Variants in PLEKHA6 observed in about 807,000 individuals in gnomAD.
PLEKHA6 encodes the protein pleckstrin homology domain containing A6.
PLEKHA6 carries 60 observed loss-of-function variants against 116.7 expected under a neutral mutation model. That is an observed-to-expected ratio of 0.51 (90% CI 0.42 to 0.64). The LOEUF is 0.64. Among genes scored for constraint, PLEKHA6 ranks in the 30% least tolerant of loss-of-function variants. The pLI, the probability that PLEKHA6 is intolerant of heterozygous loss-of-function variation, is 0.00. For missense variants in PLEKHA6, 1,338 were observed against 1,422.7 expected (o/e 0.94, Z 0.96); for synonymous variants, 489 against 556.1 (o/e 0.88, Z 1.70).
chr1:204,292,418 T>A (rs1669860230), intron 1 of PLEKHA6, among the ~76,000 whole-genome samples: 1 of 152,180 alleles, frequency 6.6e-6, no homozygotes, highest in Non-Finnish European at 1.5e-5. Context: ...AGCTCTTTCC[T>A]CAGGGCCACA....
rs1558201297 is a variant in PLEKHA6, at chr1:204,359,756, T to TC, written c.-158dup. The TC allele has an allele frequency of 3.2e-6, 3 of 939,420 alleles. No individual in the cohort carries two copies. Among genetic ancestry groups the TC allele is most frequent in the Non-Finnish European group, 3.8e-6 (3 of 787,890 alleles). 58.2% of individuals were successfully genotyped at this position (939,420 alleles called of 1,614,324 possible). ...AACTCTGCGAGCCCCAAGGCACCCC[T>TC]CCCCCCAGCTCAGGCCAGCTGGGGT... On this transcript the variant is annotated 5_prime_UTR_variant, in exon 1 of 23. Coordinates refer to ENST00000272203, the MANE Select transcript of PLEKHA6 (RefSeq NM_014935.5).
intron 1 of PLEKHA6, chr1:204,275,036 G>A: frequency 8.2e-6 from 5 of 606,152 alleles, no homozygotes; most frequent in Non-Finnish European, 1.0e-5. Flanking sequence ...ACTAGTCAGT[G>A]CTAACTACTT....
chr1:204,288,563 T>C (rs1669436662), intron 1 of PLEKHA6, among the ~76,000 whole-genome samples: 1 of 152,104 alleles, frequency 6.6e-6, no homozygotes, highest in African/African-American at 2.4e-5. Context: ...TATTTATTCC[T>C]GGAGGAAGGA....
Position 204,259,620 on chromosome 1 carries a change from G to C in PLEKHA6, c.645C>G (p.Gly215=), listed in dbSNP as rs1224196913. 5 of 1,614,124 alleles carry C rather than the reference G, an allele frequency of 3.1e-6. No individual in the cohort carries two copies. The highest frequency in any genetic ancestry group is 4.2e-6 in the Non-Finnish European group (5 of 1,180,038). The change falls in exon 8 of 23, where the codon GGC becomes GGG. Residue 215 remains glycine, a synonymous_variant. Transcript: ENST00000272203. This position sits in a 1 kb window ranked among gnomAD's most constrained non-coding sequence, Gnocchi z 4.6. ...CAGGCCTTCTCTCTGCCTTCTCACA[G>C]CCTCGGCCATCACCCTCCCCTCGAG... is the stretch of plus-strand genomic sequence containing the variant. ...AKTRGEGDGR[G]CEKAERRPER...
Position 204,247,471 on chromosome 1 carries a change from A to G in PLEKHA6, c.1825-11T>C. 1 of 1,587,982 alleles carries G rather than the reference A, an allele frequency of 6.3e-7. No individual in the cohort carries two copies. The highest frequency in any genetic ancestry group is 1.3e-5 in the African/African-American group (1 of 74,452). On this transcript the variant is annotated splice_polypyrimidine_tract_variant and intron_variant, in intron 12 of 22. Transcript: ENST00000272203. ...GCTGTTTGTCAGGGCCTACGGGGGA[A>G]AGAGGCGTTCACTGAGAAAGCCGCC...
upstream of PLEKHA6, among the ~76,000 whole-genome samples, chr1:204,362,140 C>T (rs569453301): frequency 1.6e-4 from 25 of 152,172 alleles, no homozygotes; most frequent in African/African-American, 5.5e-4. Context: ...GGGACCAAGG[C>T]GGAAGAGATG....
intron 18 of PLEKHA6, among the ~76,000 whole-genome samples, chr1:204,229,488 A>G (rs1259569367): frequency 6.6e-6 from 1 of 152,152 alleles, no homozygotes; most frequent in Non-Finnish European, 1.5e-5. Flanking sequence ...ATCATAGCTC[A>G]CTGCAGTCTC....
Position 204,248,889 on chromosome 1 carries a change from G to T in PLEKHA6, c.1756C>A (p.Arg586=). 1 of 1,614,044 alleles carries T rather than the reference G, an allele frequency of 6.2e-7. No homozygotes were observed. The highest frequency in any genetic ancestry group is 8.5e-7 in the Non-Finnish European group (1 of 1,179,944). The change falls in exon 12 of 23, where the codon CGA becomes AGA. Residue 586 remains arginine (R), a synonymous_variant. Coordinates refer to ENST00000272203, the MANE Select transcript of PLEKHA6 (RefSeq NM_014935.5). ...TTCTGCAGTGAATCCTTTTTGTGTCGCAGCTTTTCTGGGTAGGCGGGCTGG... is the reference window on the plus strand; with the variant it reads ...TTCTGCAGTGAATCCTTTTTGTGTCTCAGCTTTTCTGGGTAGGCGGGCTGG... The part of the protein sequence containing the change: ...GSQPAYPEKL[R]HKKDSLQNQL...
At chr1:204,275,730 C>T (rs1162714378) in intron 1 of PLEKHA6, 1 of 984,882 alleles carries the variant, frequency 1.0e-6, no homozygotes, top group East Asian at 1.1e-4. Context: ...ATAATGGCAA[C>T]CCCCAAGATG....
intron 1 of PLEKHA6, among the ~76,000 whole-genome samples, chr1:204,341,803 A>C (rs914752878): frequency 2.0e-5 from 3 of 152,230 alleles, no homozygotes; most frequent in Non-Finnish European, 4.4e-5. Flanking sequence ...TAAGATTCCA[A>C]CTGTACATAT....
At chr1:204,374,940 T>C (rs578018517) in intron 1 of PLEKHA6, among the ~76,000 whole-genome samples, 1 of 152,294 alleles carries the variant, frequency 6.6e-6, no homozygotes, top group East Asian at 1.9e-4. Flanking sequence ...CTAAATCCAC[T>C]AGGCATTTTT....
At chr1:204,225,221 T>C (rs925747613) in intron 21 of PLEKHA6, among the ~76,000 whole-genome samples, 2 of 152,234 alleles carry the variant, frequency 1.3e-5, no homozygotes, top group Non-Finnish European at 2.9e-5. Context: ...TCTATGTCCA[T>C]TGTGGCCCTA....
At chr1:204,319,511 C>T (rs1350110701) in intron 1 of PLEKHA6, among the ~76,000 whole-genome samples, 1 of 152,116 alleles carries the variant, frequency 6.6e-6, no homozygotes, top group African/African-American at 2.4e-5. Context: ...CCCATTAAGG[C>T]GGGCTTCTTT....
At chr1:204,226,062 C>T (rs1319245181) in intron 21 of PLEKHA6, among the ~76,000 whole-genome samples, 2 of 152,246 alleles carry the variant, frequency 1.3e-5, no homozygotes, top group African/African-American at 4.8e-5. Context: ...GCACGCTGTG[C>T]TCATGACCTG....
At chr1:204,302,076 T>C (rs1670877757) in intron 1 of PLEKHA6, among the ~76,000 whole-genome samples, 1 of 152,190 alleles carries the variant, frequency 6.6e-6, no homozygotes, top group Non-Finnish European at 1.5e-5. Flanking sequence ...CTTGGAGTGA[T>C]AACATCTACA....
intron 1 of PLEKHA6, among the ~76,000 whole-genome samples, chr1:204,285,881 T>C (rs1438140245): frequency 6.6e-6 from 1 of 152,200 alleles, no homozygotes; most frequent in Non-Finnish European, 1.5e-5. Context: ...TCCTCCCTCC[T>C]GCTTTCCTTT....
At chr1:204,322,596 G>T (rs1318554089) in intron 1 of PLEKHA6, among the ~76,000 whole-genome samples, 1 of 152,170 alleles carries the variant, frequency 6.6e-6, no homozygotes, top group Non-Finnish European at 1.5e-5. Context: ...GGCCCCCATA[G>T]CTTCAACCGC....
chr1:204,280,952 C>A, intron 1 of PLEKHA6: 1 of 955,504 alleles, frequency 1.0e-6, no homozygotes, highest in Non-Finnish European at 1.2e-6. Context: ...ATTGCTGCCA[C>A]ATAAAGAAGA....
chr1:204,320,428 C>T, intron 1 of PLEKHA6: 1 of 925,440 alleles, frequency 1.1e-6, no homozygotes, highest in Non-Finnish European at 1.3e-6. Flanking sequence ...CAGCTCAGCT[C>T]CCCAGGAGAC....
Sources: gnomAD v4.1 joint callset for allele counts (sites outside exome capture counted in the v4.1 genomes callset) on GRCh38, gnomAD v4.1.1 for gene constraint, Gnocchi (gnomAD v3.1) non-coding constraint, MANE v1.5 for transcripts, NCBI Gene and HGNC (gene_info 2026-07-23, HGNC 2026-07-21) for gene names.